ZMYND19: variants seen among roughly 807,000 people sequenced by gnomAD.
ZMYND19 encodes the protein zinc finger MYND-type containing 19, also known as zinc finger MYND domain-containing protein 19.
Under a neutral mutation model 32.0 loss-of-function variants are expected in ZMYND19, and 17 were observed. The ratio of observed to expected loss-of-function variants is 0.53; its 90% CI spans 0.36 to 0.80. ZMYND19 has a LOEUF of 0.80. Ranked by LOEUF, ZMYND19 falls within the 30% of genes least tolerant of loss-of-function variation. ZMYND19 has a pLI of 0.00. For synonymous variants in ZMYND19, 124 were observed against 113.6 expected, an observed-to-expected ratio of 1.09 and a Z score of -0.58; for missense variants, 250 against 293.6, an observed-to-expected ratio of 0.85 and a Z score of 1.09.
At chr9:137,587,493 C>A in intron 3 of ZMYND19, 1 of 605,456 alleles carries the variant, frequency 1.7e-6, no homozygotes, top group South Asian at 2.0e-5. Context: ...CAGAGGCTGC[C>A]GGTCCTGGGC....
At chr9:137,585,558 G>A (rs1343128047) in intron 4 of ZMYND19, among the ~76,000 whole-genome samples, 1 of 151,934 alleles carries the variant, frequency 6.6e-6, no homozygotes, top group Non-Finnish European at 1.5e-5. Flanking sequence ...AAAAACACCA[G>A]CCCAACAAGA....
chr9:137,582,208 T>G lies in ZMYND19; in HGVS notation c.*335A>C. On this transcript the variant is annotated 3_prime_UTR_variant, in exon 6 of 6. Coordinates refer to ENST00000298585, the MANE Select transcript of ZMYND19 (RefSeq NM_138462.3). ...GTTTTTAGTCACGTGGCCTGACCGTTTGCCATTTAAGGATTACAGCAAATG... is the reference window on the plus strand; with the variant it reads ...GTTTTTAGTCACGTGGCCTGACCGTGTGCCATTTAAGGATTACAGCAAATG... The G allele has an allele frequency of 4.6e-6, 1 of 216,006 alleles. No individual in the cohort carries two copies. The highest frequency in any genetic ancestry group is 1.1e-4 in the South Asian group (1 of 9,432). 13.4% of individuals were successfully genotyped at this position (216,006 alleles called of 1,614,324 possible).
At chr9:137,585,450 G>C (rs924459377) in intron 4 of ZMYND19, among the ~76,000 whole-genome samples, 4 of 150,832 alleles carry the variant, frequency 2.7e-5, no homozygotes, top group Non-Finnish European at 5.9e-5. Flanking sequence ...GAGGCAAGAG[G>C]ATTCCCTGAA....
chr9:137,589,201 A>G (rs2133304130), intron 1 of ZMYND19: 1 of 313,434 alleles, frequency 3.2e-6, no homozygotes, highest in East Asian at 1.7e-4. Flanking sequence ...GTAAGGGATG[A>G]CAATGCCATC....
rs1313616328 is a variant in ZMYND19, at chr9:137,582,684, G to A, written c.543C>T (p.Leu181=). 6 of 1,612,624 alleles carry A rather than the reference G, an allele frequency of 3.7e-6. No individual in the cohort carries two copies. Among genetic ancestry groups the A allele is most frequent in the Non-Finnish European group, 4.2e-6 (5 of 1,179,908 alleles). ...AGCGCCCACAGATGTTGAACTCCCG[G>A]AGCTGAAATACAGAACACCTGTGGC... ...YPPCTVIEKQ[L]REFNICGRCQ... is the part of the protein sequence containing the mutation. Residue 181 remains leucine, a splice_region_variant and synonymous_variant, in exon 6 of 6, where the codon CTC becomes CTT. Transcript: ENST00000298585.
chr9:137,585,528 A>G lies in ZMYND19; in HGVS notation c.359+1439T>C, dbSNP rs187246662. On this transcript the variant is annotated intron_variant, in intron 4 of 5. Coordinates refer to ENST00000298585, the MANE Select transcript of ZMYND19 (RefSeq NM_138462.3). The stretch of plus-strand genomic sequence containing the variant: ...TCCGTAAAATTAATTAATTTAATGA[A>G]ATAAACAGAGCAGGGAAAAAAAAAC... 5.3e-4 allele frequency among the ~76,000 whole-genome samples: 81 copies of G among 152,282 alleles called. No individual in the cohort carries two copies. In the East Asian group the frequency reaches 0.012, roughly 22 times the overall value.
chr9:137,588,492 G>T (rs964372140), intron 2 of ZMYND19, among the ~76,000 whole-genome samples, 167 bp downstream of exon 2: 1 of 152,232 alleles, frequency 6.6e-6, no homozygotes, highest in African/African-American at 2.4e-5. Flanking sequence ...GGTTCTGCAG[G>T]GCCACGGCTC....
At position 137,587,098 on chromosome 9, in the gene ZMYND19, G is replaced by A. The variant is rs1188809576; in HGVS notation, c.228C>T (p.His76=). ...RLLHELLWER[H]RGGVAPGFQV... is the part of the protein sequence containing the mutation. The stretch of plus-strand genomic sequence containing the variant: ...GGAAGCCCGGGGCCACGCCCCCCCG[G>A]TGCCGCTCCCTAGAAACAGACAGCA... Residue 76 remains histidine (H), a synonymous_variant, in exon 4 of 6, where the codon CAC becomes CAT. Coordinates refer to ENST00000298585, the MANE Select transcript of ZMYND19 (RefSeq NM_138462.3). The A allele has an allele frequency of 3.7e-6, 6 of 1,605,376 alleles. No homozygotes were observed. The highest frequency in any genetic ancestry group is 5.1e-6 in the Non-Finnish European group (6 of 1,179,952).
intron 1 of ZMYND19, chr9:137,589,989 C>T (rs1842253272): frequency 1.0e-6 from 1 of 985,128 alleles, no homozygotes; most frequent in Non-Finnish European, 1.2e-6. Context: ...CCGAGGGTGG[C>T]CAGGTGCACC....
Position 137,582,788 on chromosome 9 carries a change from C to T in ZMYND19, c.541-102G>A, listed in dbSNP as rs77386181. On this transcript the variant is annotated intron_variant, in intron 5 of 5. Coordinates refer to ENST00000298585, the MANE Select transcript of ZMYND19 (RefSeq NM_138462.3). ...ATCTGACGGACCCAGCAAAACACCA[C>T]GTACCAAGGCTGGAGGGCCTGGGCC... 5,601 of 1,534,396 alleles carry T rather than the reference C, an allele frequency of 3.7e-3. 94 individuals carry two copies. Among genetic ancestry groups the T allele is most frequent in the South Asian group, 0.033 (2,647 of 80,288 alleles).
In ZMYND19 at chr9:137,590,130, CG is replaced by C. The variant is rs1842255840; in HGVS notation, c.51+82del. On this transcript the variant is annotated intron_variant, in intron 1 of 5. Transcript: ENST00000298585. This position sits in a 1 kb window ranked among gnomAD's most constrained non-coding sequence, Gnocchi z 4.2. The stretch of plus-strand genomic sequence containing the variant: ...CCGGGCTCCGCGCCCCCGCCCCGGC[CG>C]CCGCCCGCACAACCGCCCCCGGCCC... The C allele has an allele frequency of 3.1e-6, 3 of 968,986 alleles. No individual in the cohort carries two copies. The Admixed American group carries it at 2.0e-4, about 66-fold the overall frequency. 60.0% of individuals were successfully genotyped at this position (968,986 alleles called of 1,614,324 possible).
In ZMYND19 at chr9:137,590,176, G is replaced by A. The variant is rs1231994333; in HGVS notation, c.51+37C>T. On this transcript the variant is annotated intron_variant, in intron 1 of 5. Transcript: ENST00000298585. The surrounding 1 kb of genome is among the most constrained non-coding windows in gnomAD (Gnocchi z 4.2). ...CGGCCCCGCGCGGAGGCCTGGACGG[G>A]CGAGACGGGCCGGGTCGCGGGCTCC... 2 of 1,044,902 alleles carry A rather than the reference G, an allele frequency of 1.9e-6. No individual in the cohort carries two copies. Among genetic ancestry groups the A allele is most frequent in the Non-Finnish European group, 2.3e-6 (2 of 867,474 alleles). 64.7% of individuals were successfully genotyped at this position (1,044,902 alleles called of 1,614,324 possible). A position where few individuals can be genotyped will look rare whatever the true frequency, so the allele number is the denominator to read the frequency against.
At chr9:137,588,486 C>T (rs1017474809) in intron 2 of ZMYND19, among the ~76,000 whole-genome samples, 173 bp downstream of exon 2, 1 of 152,364 alleles carries the variant, frequency 6.6e-6, no homozygotes, top group Admixed American at 6.5e-5. Flanking sequence ...CAGCCAGGTT[C>T]TGCAGGGCCA....
chr9:137,582,959 G>C, intron 5 of ZMYND19, 24 bp downstream of exon 5: 1 of 1,611,514 alleles, frequency 6.2e-7, no homozygotes, highest in Non-Finnish European at 8.5e-7. Flanking sequence ...TGCCAGGGAC[G>C]CGACCGCACT....
chr9:137,585,112 A>G (rs1209348141), intron 4 of ZMYND19, among the ~76,000 whole-genome samples: 1 of 152,128 alleles, frequency 6.6e-6, no homozygotes, highest in Non-Finnish European at 1.5e-5. Context: ...GCACACCCGT[A>G]ATCCCAGCTA....
chr9:137,586,424 C>T (rs34961251), intron 4 of ZMYND19, among the ~76,000 whole-genome samples: 5 of 128,456 alleles, frequency 3.9e-5, no homozygotes, highest in African/African-American at 9.3e-5. Flanking sequence ...GGAATCCTGA[C>T]GTGAGCAGAG....
chr9:137,587,308 G>C, intron 3 of ZMYND19: 1 of 851,874 alleles, frequency 1.2e-6, no homozygotes, highest in African/African-American at 1.7e-5. Flanking sequence ...GGCCCAAACA[G>C]GACAGGGACA....
chr9:137,582,427 G>A lies in ZMYND19; in HGVS notation c.*116C>T. 7.0e-7 allele frequency: 1 copy of A among 1,435,024 alleles called. No individual in the cohort carries two copies. The highest frequency in any genetic ancestry group is 9.3e-7 in the Non-Finnish European group (1 of 1,072,492). The allele number at this position is 1,435,024 out of a possible 1,614,324, so 88.9% of individuals were successfully genotyped here. A position where few individuals can be genotyped will look rare whatever the true frequency, so the allele number is the denominator to read the frequency against. ...CTGTGACATCGGGAGTCTCACGGCAGCTGTCCTGGGCCCGCAGCTGGCTTT... is the reference window on the plus strand; with the variant it reads ...CTGTGACATCGGGAGTCTCACGGCAACTGTCCTGGGCCCGCAGCTGGCTTT... On this transcript the variant is annotated 3_prime_UTR_variant, in exon 6 of 6. Transcript: ENST00000298585.
chr9:137,586,512 G>C (rs1435104326), intron 4 of ZMYND19, among the ~76,000 whole-genome samples: 1 of 140,600 alleles, frequency 7.1e-6, no homozygotes, highest in Non-Finnish European at 1.5e-5. Flanking sequence ...GGTGAGAGAA[G>C]GAAGGAATCC....
Sources: allele counts gnomAD v4.1 joint callset (sites outside exome capture counted in the v4.1 genomes callset), GRCh38; gene constraint gnomAD v4.1.1; non-coding constraint Gnocchi (gnomAD v3.1); transcripts MANE v1.5; gene names NCBI Gene and HGNC (gene_info 2026-07-23, HGNC 2026-07-21).